PIKFYVE: variants seen among roughly 807,000 people sequenced by gnomAD.
The protein encoded by PIKFYVE is 1-phosphatidylinositol 3-phosphate 5-kinase.
Under a neutral mutation model 257.9 loss-of-function variants are expected in PIKFYVE, and 122 were observed. That is an observed-to-expected ratio of 0.47 (90% CI 0.41 to 0.55). The LOEUF is 0.55. Ranked by LOEUF, PIKFYVE falls within the 20% of genes least tolerant of loss-of-function variation. The pLI is 0.00. For synonymous variants in PIKFYVE, 892 were observed against 868.9 expected (o/e 1.03, Z -0.47); for missense variants, 2,160 against 2,536.6 (o/e 0.85, Z 3.19).
At chr2:208,305,045 A>C in intron 12 of PIKFYVE, 32 bp downstream of exon 12, 1 of 1,613,230 alleles carries the variant, frequency 6.2e-7, no homozygotes, top group Non-Finnish European at 8.5e-7. Context: ...GAATCCAAAC[A>C]CAGGCTGGAC....
rs1224470243 is a variant in PIKFYVE, at chr2:208,342,796, T to TC, written c.5027+147_5027+148insC. On this transcript the variant is annotated intron_variant, in intron 32 of 41. Transcript: ENST00000264380. ...TTCTTTAGTCGTGATAGCTTGTTCT[T>TC]TTTTTTTTTTTTTTTTGAGACAGAA... The TC allele has an allele frequency of 1.1e-5, 4 of 371,186 alleles. No individual in the cohort carries two copies. The East Asian group carries it at 2.1e-4, about 20-fold the overall frequency. 23.0% of individuals were successfully genotyped at this position (371,186 alleles called of 1,614,324 possible). A position where few individuals can be genotyped will look rare whatever the true frequency, so the allele number is the denominator to read the frequency against.
intron 1 of PIKFYVE, among the ~76,000 whole-genome samples, chr2:208,267,181 C>T (rs1574362209): frequency 6.6e-6 from 1 of 152,138 alleles, no homozygotes; most frequent in Admixed American, 6.5e-5. Context: ...TAAAATATGT[C>T]CAGTGTTGAC....
rs767578323 is a variant in PIKFYVE at position 208,271,500 on chromosome 2, T to C, written c.-9-11T>C. 1.9e-6 allele frequency: 3 copies of C among 1,613,982 alleles called. No individual in the cohort carries two copies. Among genetic ancestry groups the C allele is most frequent in the African/African-American group, 2.7e-5 (2 of 75,046 alleles). ...GAATTTAGATTTTTGCTTGTTTCTTTTGTTTTTCAGACTCATGAAATGGCC... is the reference window on the plus strand; with the variant it reads ...GAATTTAGATTTTTGCTTGTTTCTTCTGTTTTTCAGACTCATGAAATGGCC... On this transcript the variant is annotated splice_polypyrimidine_tract_variant and intron_variant, in intron 1 of 41. Coordinates refer to ENST00000264380, the MANE Select transcript of PIKFYVE (RefSeq NM_015040.4).
chr2:208,304,400 A>T (rs1320759491), intron 11 of PIKFYVE, 82 bp downstream of exon 11: 13 of 1,520,178 alleles, frequency 8.6e-6, no homozygotes, highest in African/African-American at 1.4e-5. Context: ...GTTTGTTGAA[A>T]TAATTCAGCT....
intron 10 of PIKFYVE, 36 bp downstream of exon 10, chr2:208,302,389 C>A (rs750174122): frequency 6.6e-7 from 1 of 1,515,044 alleles, no homozygotes; most frequent in Admixed American, 1.7e-5. Context: ...TAGAATGTAG[C>A]AAGCTTATTT....
chr2:208,314,872 GGCAACA>G (rs1695306599), intron 14 of PIKFYVE, among the ~76,000 whole-genome samples: 1 of 148,220 alleles, frequency 6.7e-6, no homozygotes, highest in Non-Finnish European at 1.5e-5. Flanking sequence ...CTCCAACCTA[GGCAACA>G]GAGCAAGACT....
chr2:208,281,893 T>C (rs1319639547), intron 5 of PIKFYVE, among the ~76,000 whole-genome samples: 4 of 152,226 alleles, frequency 2.6e-5, no homozygotes, highest in African/African-American at 9.7e-5. Context: ...AGTGTTGTTC[T>C]GATTTTTAAC....
intron 29 of PIKFYVE, among the ~76,000 whole-genome samples, 156 bp from the exon 30 acceptor site, chr2:208,339,262 A>G (rs1303703124): frequency 1.3e-5 from 2 of 152,294 alleles, no homozygotes; most frequent in East Asian, 3.9e-4. Flanking sequence ...TTTTGTGTCC[A>G]TTTCTATGAC....
At chr2:208,327,629 A>ATT (rs1697082197) in intron 20 of PIKFYVE, among the ~76,000 whole-genome samples, 4 of 152,210 alleles carry the variant, frequency 2.6e-5, no homozygotes, top group African/African-American at 7.2e-5. Context: ...AAAAGAATAG[A>ATT]TATTTTAAAA....
At chr2:208,292,069 A>AGG (rs1692386367) in intron 7 of PIKFYVE, among the ~76,000 whole-genome samples, 1 of 151,700 alleles carries the variant, frequency 6.6e-6, no homozygotes, top group Admixed American at 6.6e-5. Context: ...TTTTTTTTAC[A>AGG]AGTGTGTTGT....
intron 7 of PIKFYVE, among the ~76,000 whole-genome samples, chr2:208,297,043 A>G (rs1693078896): frequency 6.6e-6 from 1 of 152,156 alleles, no homozygotes; most frequent in African/African-American, 2.4e-5. Context: ...GTGTAGGGAT[A>G]CCTGTGCTAA....
chr2:208,276,409 A>G (rs1447198288), intron 3 of PIKFYVE, among the ~76,000 whole-genome samples: 3 of 152,180 alleles, frequency 2.0e-5, no homozygotes, highest in African/African-American at 7.2e-5. Context: ...AGGAGTCATT[A>G]ATGAATTTTG....
intron 16 of PIKFYVE, 128 bp downstream of exon 16, chr2:208,318,069 G>C (rs1695759602): frequency 2.0e-6 from 2 of 997,758 alleles, no homozygotes; most frequent in Non-Finnish European, 3.1e-6. Flanking sequence ...TCTGCCATAG[G>C]GGTGAAATTT....
chr2:208,296,704 G>A (rs1260925154), intron 7 of PIKFYVE, among the ~76,000 whole-genome samples: 1 of 152,190 alleles, frequency 6.6e-6, no homozygotes, highest in Non-Finnish European at 1.5e-5. Context: ...AAAGGAGACG[G>A]GGAGAGGCCA....
At position 208,354,637 on chromosome 2, in the gene PIKFYVE, G is replaced by A; in HGVS notation, c.6173G>A (p.Gly2058Asp). 1 of 1,611,692 alleles carries A rather than the reference G, an allele frequency of 6.2e-7. No homozygotes were observed. Among genetic ancestry groups the A allele is most frequent in the Non-Finnish European group, 8.5e-7 (1 of 1,177,922 alleles). The change falls in exon 41 of 42, where the codon GGT becomes GAT. Residue 2058 changes from glycine (G) to aspartate (D), a missense_variant. This residue lies in a region of PIKFYVE where 38 missense variants were observed against 77.7 expected (regional missense o/e 0.49). Transcript: ENST00000264380. ...GTTGTGAAATCAACAGGAATTTTAG[G>A]TGGACAAGGTGAGAATTTTTGTTTT... is the stretch of plus-strand genomic sequence containing the variant. Reference protein sequence around the residue: ...EMVVKSTGILGGQGKMPTVVS... With the variant: ...EMVVKSTGILDGQGKMPTVVS...
At chr2:208,352,390 G>A (rs1008872364) in intron 38 of PIKFYVE, among the ~76,000 whole-genome samples, 3 of 151,744 alleles carry the variant, frequency 2.0e-5, no homozygotes, top group African/African-American at 7.3e-5. Context: ...ACGTAGTATT[G>A]GGGGAAATTA....
chr2:208,286,617 G>A (rs971448905), intron 6 of PIKFYVE, among the ~76,000 whole-genome samples: 1 of 151,872 alleles, frequency 6.6e-6, no homozygotes, highest in African/African-American at 2.4e-5. Context: ...GCTCAGGGCA[G>A]CCTCGAATCC....
In PIKFYVE at chr2:208,325,006, A is replaced by G; in HGVS notation, c.2427A>G (p.Lys809=). 6.2e-7 allele frequency: 1 copy of G among 1,614,112 alleles called. No individual in the cohort carries two copies. Among genetic ancestry groups the G allele is most frequent in the Non-Finnish European group, 8.5e-7 (1 of 1,179,992 alleles). The change falls in exon 19 of 42, where the codon AAA becomes AAG. Residue 809 remains lysine (K), a synonymous_variant. Coordinates refer to ENST00000264380, the MANE Select transcript of PIKFYVE (RefSeq NM_015040.4). ...AACCACACCTGGGCACTTGTCACAA[A>G]TTTTATATGCAGATATTTCAGTTGC... ...LTKPHLGTCH[K]FYMQIFQLPN...
chr2:208,293,082 C>CT (rs60283252), intron 7 of PIKFYVE, among the ~76,000 whole-genome samples: 125,965 of 137,566 alleles, frequency 0.92, 57,509 homozygotes, highest in Non-Finnish European at 0.96. Flanking sequence ...GAGTTACATT[C>CT]TTTTTTTTTT....
Sources: allele counts gnomAD v4.1 joint callset (sites outside exome capture counted in the v4.1 genomes callset), GRCh38; gene constraint gnomAD v4.1.1; regional missense constraint gnomAD v4.1.1; transcripts MANE v1.5; gene names NCBI Gene and HGNC (gene_info 2026-07-23, HGNC 2026-07-21).